Variants in FRMD4B observed in about 807,000 individuals in gnomAD.
The protein encoded by FRMD4B is FERM domain containing 4B, also known as FERM domain-containing protein 4B.
Under a neutral mutation model 141.5 loss-of-function variants are expected in FRMD4B, and 74 were observed. The ratio of observed to expected loss-of-function variants is 0.52; its 90% CI spans 0.43 to 0.63. The LOEUF (loss-of-function observed/expected upper bound fraction) is 0.63. Among genes scored for constraint, FRMD4B ranks in the 30% least tolerant of loss-of-function variants. FRMD4B has a pLI of 0.00. For missense variants in FRMD4B, 1,366 were observed against 1,253.4 expected (o/e 1.09, Z -1.36); for synonymous variants, 506 against 467.9 (o/e 1.08, Z -1.05).
chr3:69,529,354 G>C (rs1700980944), intron 1 of FRMD4B, among the ~76,000 whole-genome samples: 1 of 152,198 alleles, frequency 6.6e-6, no homozygotes. Context: ...GCAGAATGTA[G>C]CCTATGGGCC....
chr3:69,263,548 A>AGG (rs1433807858), intron 5 of FRMD4B, among the ~76,000 whole-genome samples: 1 of 151,648 alleles, frequency 6.6e-6, no homozygotes, highest in East Asian at 2.0e-4. Flanking sequence ...CTGGGACTAA[A>AGG]GGTGTGTGCC....
intron 1 of FRMD4B, among the ~76,000 whole-genome samples, chr3:69,321,359 A>T (rs1701989006): frequency 6.6e-6 from 1 of 152,102 alleles, no homozygotes; most frequent in Admixed American, 6.6e-5. Context: ...CTTTTTAAAA[A>T]TTTTTCTTCT....
At chr3:69,191,870 A>G (rs1317433240) in intron 17 of FRMD4B, among the ~76,000 whole-genome samples, 1 of 152,190 alleles carries the variant, frequency 6.6e-6, no homozygotes, top group Non-Finnish European at 1.5e-5. Context: ...AAGCTACTCT[A>G]CATTCTCCAG....
At chr3:69,330,299 A>G (rs1575736822) in intron 1 of FRMD4B, among the ~76,000 whole-genome samples, 1 of 93,262 alleles carries the variant, frequency 1.1e-5, no homozygotes, top group Non-Finnish European at 2.3e-5. Context: ...TTAATATTAT[A>G]TATATTCAAG....
At chr3:69,431,672 G>T (rs1458617819) in intron 2 of FRMD4B, among the ~76,000 whole-genome samples, 1 of 152,172 alleles carries the variant, frequency 6.6e-6, no homozygotes, top group Non-Finnish European at 1.5e-5. Context: ...GGCAAAGGGA[G>T]ATTAATCATT....
intron 1 of FRMD4B, among the ~76,000 whole-genome samples, chr3:69,366,370 A>T (rs2107478751): frequency 6.6e-6 from 1 of 152,346 alleles, no homozygotes; most frequent in South Asian, 2.1e-4. Flanking sequence ...CATACCATTG[A>T]ATATACAACA....
At chr3:69,448,907 G>A (rs1313164427) in intron 1 of FRMD4B, among the ~76,000 whole-genome samples, 3 of 152,042 alleles carry the variant, frequency 2.0e-5, no homozygotes, top group Non-Finnish European at 4.4e-5. Context: ...CTAACAAACT[G>A]GGGAGGCTGA....
intron 7 of FRMD4B, among the ~76,000 whole-genome samples, chr3:69,241,887 A>G (rs1575648372): frequency 6.6e-6 from 1 of 152,090 alleles, no homozygotes; most frequent in South Asian, 2.1e-4. Context: ...AAAACAAAAC[A>G]AAACAAAACA....
At chr3:69,351,531 G>C (rs1420577216) in intron 1 of FRMD4B, among the ~76,000 whole-genome samples, 1 of 152,208 alleles carries the variant, frequency 6.6e-6, no homozygotes, top group African/African-American at 2.4e-5. Flanking sequence ...ACAGGCTTCT[G>C]CTAGCAATTG....
At chr3:69,444,479 A>G (rs1433583679) in intron 1 of FRMD4B, among the ~76,000 whole-genome samples, 1 of 152,124 alleles carries the variant, frequency 6.6e-6, no homozygotes, top group Non-Finnish European at 1.5e-5. Flanking sequence ...TTATTGACAT[A>G]AAGTTGTTTT....
At chr3:69,479,699 C>A (rs1455634262) in intron 1 of FRMD4B, among the ~76,000 whole-genome samples, 3 of 152,164 alleles carry the variant, frequency 2.0e-5, no homozygotes, top group Non-Finnish European at 4.4e-5. Flanking sequence ...AGTTGCTCTT[C>A]TCAAAGAGTA....
chr3:69,382,643 T>C (rs1341071340), intron 1 of FRMD4B, among the ~76,000 whole-genome samples: 2 of 152,084 alleles, frequency 1.3e-5, no homozygotes, highest in African/African-American at 2.4e-5. Context: ...GCATAAATTG[T>C]CATCCCATAC....
intron 1 of FRMD4B, chr3:69,536,402 C>A: frequency 1.4e-6 from 1 of 711,664 alleles, no homozygotes; most frequent in East Asian, 2.8e-5. Context: ...GTGGCCAGCG[C>A]CTGCTTCAGC....
chr3:69,368,270 G>A (rs188489506), intron 1 of FRMD4B, among the ~76,000 whole-genome samples: 6 of 152,252 alleles, frequency 3.9e-5, no homozygotes, highest in African/African-American at 1.4e-4. Context: ...TAAAGGACGT[G>A]GGCCAGCATT....
chr3:69,416,164 T>C (rs972152948), intron 2 of FRMD4B, among the ~76,000 whole-genome samples: 1 of 152,224 alleles, frequency 6.6e-6, no homozygotes, highest in Non-Finnish European at 1.5e-5. Context: ...AATGCATTTC[T>C]AAATAAGCAT....
At chr3:69,326,137 T>G (rs1349021050) in intron 1 of FRMD4B, among the ~76,000 whole-genome samples, 2 of 150,878 alleles carry the variant, frequency 1.3e-5, no homozygotes, top group Non-Finnish European at 3.0e-5. Context: ...TTTTTTTTTT[T>G]GTAGAGATAA....
At chr3:69,485,112 G>T (rs1033107551) in intron 1 of FRMD4B, among the ~76,000 whole-genome samples, 2 of 152,162 alleles carry the variant, frequency 1.3e-5, no homozygotes, top group African/African-American at 4.8e-5. Context: ...CCCCTCCCCT[G>T]CTCCTCTATT....
intron 5 of FRMD4B, among the ~76,000 whole-genome samples, chr3:69,252,600 A>T (rs2093470192): frequency 6.6e-6 from 1 of 152,236 alleles, no homozygotes; most frequent in Non-Finnish European, 1.5e-5. Context: ...GGAGTTTACT[A>T]AACAATACAT....
chr3:69,532,823 A>T (rs898980377), intron 1 of FRMD4B, among the ~76,000 whole-genome samples: 8 of 152,222 alleles, frequency 5.3e-5, no homozygotes, highest in Non-Finnish European at 7.3e-5. Flanking sequence ...CCTCAGCCAC[A>T]TCCATTGTTG....
Sources: gnomAD v4.1 joint callset for allele counts (sites outside exome capture counted in the v4.1 genomes callset) on GRCh38, gnomAD v4.1.1 for gene constraint, MANE v1.5 for transcripts, NCBI Gene and HGNC (gene_info 2026-07-23, HGNC 2026-07-21) for gene names.